Variants in OSMR observed in about 807,000 individuals in gnomAD.
OSMR encodes oncostatin M receptor.
OSMR carries 81 observed loss-of-function variants against 99.9 expected under a neutral mutation model. The ratio of observed to expected loss-of-function variants is 0.81; its 90% CI spans 0.68 to 0.97. The LOEUF (loss-of-function observed/expected upper bound fraction) is 0.97, where lower values mean the gene tolerates loss of function less well. OSMR is among the 50% of genes least tolerant of loss of function. OSMR has a pLI of 0.00. For missense variants in OSMR, 1,099 were observed against 1,153.4 expected, an observed-to-expected ratio of 0.95 and a Z score of 0.68; for synonymous variants, 406 against 410.4, an observed-to-expected ratio of 0.99 and a Z score of 0.13.
intron 1 of OSMR, among the ~76,000 whole-genome samples, chr5:38,852,518 C>A (rs1740460943): frequency 6.6e-6 from 1 of 151,716 alleles, no homozygotes; most frequent in South Asian, 2.1e-4. Context: ...CACAGACATA[C>A]ACACACACAC....
At chr5:38,884,688 C>T (rs1209185077) in intron 5 of OSMR, among the ~76,000 whole-genome samples, 9 of 152,212 alleles carry the variant, frequency 5.9e-5, no homozygotes, top group Admixed American at 5.9e-4. Context: ...CTGTTCTTAA[C>T]TGTGCAGTAA....
chr5:38,899,530 C>A (rs1744756550), intron 7 of OSMR, among the ~76,000 whole-genome samples: 1 of 152,168 alleles, frequency 6.6e-6, no homozygotes, highest in Non-Finnish European at 1.5e-5. Flanking sequence ...CTGAAGCCAG[C>A]ACGTCTCAGA....
At chr5:38,905,272 C>CGT (rs1360987979) in intron 9 of OSMR, among the ~76,000 whole-genome samples, 1 of 152,040 alleles carries the variant, frequency 6.6e-6, no homozygotes, top group Non-Finnish European at 1.5e-5. Context: ...AGGTGGATCA[C>CGT]GTGGTCAGGA....
chr5:38,878,667 A>G (rs773191162), intron 3 of OSMR, among the ~76,000 whole-genome samples: 1 of 152,182 alleles, frequency 6.6e-6, no homozygotes, highest in Non-Finnish European at 1.5e-5. Context: ...GTGTGTGCCA[A>G]TTTCTTGTGA....
intron 9 of OSMR, among the ~76,000 whole-genome samples, chr5:38,911,318 A>G (rs1745564727): frequency 6.6e-6 from 1 of 152,208 alleles, no homozygotes; most frequent in Non-Finnish European, 1.5e-5. Context: ...GACACAAACT[A>G]GAAAACATAC....
chr5:38,866,256 G>A (rs1289933087), intron 1 of OSMR, among the ~76,000 whole-genome samples: 1 of 152,114 alleles, frequency 6.6e-6, no homozygotes, highest in Admixed American at 6.5e-5. Context: ...TGGTAGGTGG[G>A]GCAAGTTGAT....
At position 38,862,426 on chromosome 5, in the gene OSMR, C is replaced by T. The variant is rs1446832082; in HGVS notation, c.-13-6606C>T. Among the ~76,000 whole-genome samples the T allele has an allele frequency of 1.6e-3, 244 of 149,718 alleles. 2 individuals carry two copies. Among genetic ancestry groups the T allele is most frequent in the Non-Finnish European group, 2.9e-3 (196 of 67,130 alleles). ...CGGCTGGCCGGGCGGGGGCTGACCC[C>T]CCCACCTCCCTCCCGGACGGGTGGC... On this transcript the variant is annotated intron_variant, in intron 1 of 17. Coordinates refer to ENST00000274276, the MANE Select transcript of OSMR (RefSeq NM_003999.3).
At chr5:38,881,515 C>T in intron 3 of OSMR, 78 bp from the exon 4 acceptor site, 1 of 1,612,774 alleles carries the variant, frequency 6.2e-7, no homozygotes, top group South Asian at 1.1e-5. Flanking sequence ...TAGGTTTGTG[C>T]TTTGGGATAA....
At chr5:38,887,653 T>A (rs2112421479) in intron 7 of OSMR, among the ~76,000 whole-genome samples, 1 of 152,274 alleles carries the variant, frequency 6.6e-6, no homozygotes, top group Non-Finnish European at 1.5e-5. Flanking sequence ...TTCAGAAATA[T>A]CCTCACTATT....
intron 7 of OSMR, among the ~76,000 whole-genome samples, chr5:38,899,628 C>T (rs1744765742): frequency 6.6e-6 from 1 of 152,122 alleles, no homozygotes; most frequent in Non-Finnish European, 1.5e-5. Flanking sequence ...GGTTATGGGT[C>T]CTGCTCGGAC....
At chr5:38,918,666 T>G (rs1274865724) in intron 10 of OSMR, 174 bp from the exon 11 acceptor site, 1 of 869,982 alleles carries the variant, frequency 1.1e-6, no homozygotes, top group Non-Finnish European at 1.4e-6. Context: ...TCAGTTAGAT[T>G]TGAATGTCTG....
intron 11 of OSMR, among the ~76,000 whole-genome samples, chr5:38,919,839 T>C (rs867103359): frequency 1.7e-4 from 26 of 152,126 alleles, no homozygotes; most frequent in African/African-American, 6.3e-4. Flanking sequence ...TTGGGTTGAG[T>C]TGGATTAGAG....
At chr5:38,853,159 G>C (rs867137259) in intron 1 of OSMR, among the ~76,000 whole-genome samples, 7 of 152,156 alleles carry the variant, frequency 4.6e-5, no homozygotes, top group South Asian at 4.1e-4. Context: ...ATGCCTAACA[G>C]ATTATAAAAC....
At chr5:38,901,609 C>T (rs1268359510) in intron 7 of OSMR, among the ~76,000 whole-genome samples, 3 of 152,166 alleles carry the variant, frequency 2.0e-5, no homozygotes, top group South Asian at 2.1e-4. Context: ...TATCTGGGGG[C>T]TGCTTCAAGC....
At chr5:38,921,561 A>C in intron 11 of OSMR, 54 bp from the exon 12 acceptor site, 1 of 1,612,516 alleles carries the variant, frequency 6.2e-7, no homozygotes, top group Non-Finnish European at 8.5e-7. Context: ...TACACACTTA[A>C]AACAATTTAC....
Position 38,925,275 on chromosome 5 carries a change from C to G in OSMR, c.2116C>G (p.Pro706Ala). ...GGCATTGATTGTGGACAACCTAAAG[C>G]CAGAATCCTTCTATGAGTTTTTCAT... ...EKALIVDNLKPESFYEFFITP... is the reference protein window; with the variant it reads ...EKALIVDNLKAESFYEFFITP... The change falls in exon 15 of 18, where the codon CCA becomes GCA. Residue 706 changes from proline (P) to alanine (A), a missense_variant. Physicochemically the swap from Pro to Ala is conservative, Grantham distance 27. Coordinates refer to ENST00000274276, the MANE Select transcript of OSMR (RefSeq NM_003999.3). The G allele has an allele frequency of 1.2e-6, 2 of 1,613,984 alleles. No individual in the cohort carries two copies. Among genetic ancestry groups the G allele is most frequent in the South Asian group, 1.1e-5 (1 of 91,078 alleles).
intron 2 of OSMR, among the ~76,000 whole-genome samples, chr5:38,874,689 TTGAC>T (rs1241375944): frequency 1.3e-5 from 2 of 152,212 alleles, no homozygotes; most frequent in East Asian, 3.8e-4. Context: ...CGTGCAAACT[TTGAC>T]TGGGCCAATG....
chr5:38,933,285 A>G lies in OSMR; in HGVS notation c.2781A>G (p.Gly927=), dbSNP rs1211546063. ...CCCAGTTGGCTTCACCCATGTTTGGAGACAAGGACAGTCTCCCAACAAACC... is the reference window on the plus strand; with the variant it reads ...CCCAGTTGGCTTCACCCATGTTTGGGGACAAGGACAGTCTCCCAACAAACC... ...YVSQLASPMF[G]DKDSLPTNPV... The change falls in exon 18 of 18, where the codon GGA becomes GGG. Residue 927 remains glycine (G), a synonymous_variant. Transcript: ENST00000274276. The G allele has an allele frequency of 6.2e-7, 1 of 1,614,204 alleles. No individual in the cohort carries two copies. The highest frequency in any genetic ancestry group is 1.7e-5 in the Admixed American group (1 of 60,022).
intron 1 of OSMR, among the ~76,000 whole-genome samples, chr5:38,865,185 G>A (rs988520527): frequency 3.9e-5 from 6 of 152,028 alleles, no homozygotes; most frequent in African/African-American, 1.4e-4. Context: ...GTATCTCTCT[G>A]AGTTTCTTTA....
Sources: allele counts gnomAD v4.1 joint callset (sites outside exome capture counted in the v4.1 genomes callset), GRCh38; gene constraint gnomAD v4.1.1; transcripts MANE v1.5; gene names NCBI Gene and HGNC (gene_info 2026-07-23, HGNC 2026-07-21).